Variants in MAGI2 observed in about 807,000 individuals in gnomAD.
MAGI2 encodes the protein membrane-associated guanylate kinase, WW and PDZ domain-containing protein 2.
MAGI2 carries 35 observed loss-of-function variants against 133.3 expected under a neutral mutation model. That is an observed-to-expected ratio of 0.26 (90% CI 0.20 to 0.35). The LOEUF (loss-of-function observed/expected upper bound fraction) is 0.35. Among genes scored for constraint, MAGI2 ranks in the 10% least tolerant of loss-of-function variants. The pLI, the probability that MAGI2 is intolerant of heterozygous loss-of-function variation, is 1.00. For missense variants in MAGI2, 1,636 were observed against 1,863.4 expected, an observed-to-expected ratio of 0.88 and a Z score of 2.25; for synonymous variants, 729 against 710.6, an observed-to-expected ratio of 1.03 and a Z score of -0.41.
chr7:79,415,181 A>T (rs910037948), intron 1 of MAGI2: 1 of 152,148 alleles, frequency 6.6e-6, no homozygotes, highest in Non-Finnish European at 1.5e-5. Flanking sequence ...TGAATTCATG[A>T]GATGTGAAAA....
chr7:79,446,093 A>T (rs1236398889), intron 1 of MAGI2, among the ~76,000 whole-genome samples: 2 of 152,108 alleles, frequency 1.3e-5, no homozygotes, highest in Non-Finnish European at 2.9e-5. Flanking sequence ...GCATGTTCTC[A>T]CTCATAGGTG....
chr7:78,246,099 AG>A (rs1044666463), intron 10 of MAGI2, among the ~76,000 whole-genome samples: 1 of 152,060 alleles, frequency 6.6e-6, no homozygotes, highest in African/African-American at 2.4e-5. Flanking sequence ...CTTGTCAATC[AG>A]GGCCCAAAAT....
chr7:79,240,615 T>C (rs1283749227), intron 1 of MAGI2, among the ~76,000 whole-genome samples: 1 of 152,192 alleles, frequency 6.6e-6, no homozygotes, highest in Non-Finnish European at 1.5e-5. Flanking sequence ...TTCTTTGATA[T>C]GAATCTGTTA....
chr7:78,202,295 C>A (rs906707668), intron 10 of MAGI2, among the ~76,000 whole-genome samples: 15 of 152,130 alleles, frequency 9.9e-5, no homozygotes, highest in African/African-American at 2.9e-4. Context: ...CACATAGTTA[C>A]CTACACACAT....
chr7:78,306,066 T>C (rs1212919312), intron 9 of MAGI2, among the ~76,000 whole-genome samples: 1 of 152,158 alleles, frequency 6.6e-6, no homozygotes, highest in East Asian at 1.9e-4. Context: ...TGCAAGTCGT[T>C]GTTGTGGTAA....
At chr7:79,357,071 C>G (rs376529927) in intron 1 of MAGI2, among the ~76,000 whole-genome samples, 37 of 152,310 alleles carry the variant, frequency 2.4e-4, no homozygotes, top group African/African-American at 8.9e-4. Flanking sequence ...TTATTTTACT[C>G]ATTTTGTAGA....
chr7:78,424,210 G>A (rs920729066), intron 6 of MAGI2, among the ~76,000 whole-genome samples: 3 of 152,178 alleles, frequency 2.0e-5, no homozygotes, highest in African/African-American at 7.2e-5. Context: ...TGACTAAAAG[G>A]GGCCAACGTA....
chr7:78,209,287 A>T (rs1279471583), intron 10 of MAGI2, among the ~76,000 whole-genome samples: 6 of 112,430 alleles, frequency 5.3e-5, no homozygotes, highest in African/African-American at 1.6e-4. Flanking sequence ...TTTGAGACGG[A>T]GTCTCGCTCT....
intron 1 of MAGI2, among the ~76,000 whole-genome samples, chr7:79,452,097 A>T (rs1362683216): frequency 6.6e-6 from 1 of 151,884 alleles, no homozygotes; most frequent in Admixed American, 6.6e-5. Flanking sequence ...GGAACCGGCC[A>T]GGGTTTCATC....
chr7:78,756,892 T>C (rs1039860133), intron 2 of MAGI2, among the ~76,000 whole-genome samples: 3 of 152,206 alleles, frequency 2.0e-5, no homozygotes, highest in African/African-American at 7.2e-5. Context: ...TGTCGTCTTA[T>C]CTTACCAACA....
chr7:79,208,391 C>T (rs954605146), intron 1 of MAGI2, among the ~76,000 whole-genome samples: 5 of 151,810 alleles, frequency 3.3e-5, no homozygotes, highest in Middle Eastern at 3.4e-3. Context: ...CATGAATGGA[C>T]GTCTCCTCAA....
At chr7:78,494,480 C>G (rs1259110255) in intron 5 of MAGI2, among the ~76,000 whole-genome samples, 1 of 152,066 alleles carries the variant, frequency 6.6e-6, no homozygotes, top group Non-Finnish European at 1.5e-5. Context: ...TTCTTCTGTT[C>G]CAGTTTTTCA....
chr7:79,162,736 T>A (rs1261977387), intron 1 of MAGI2, among the ~76,000 whole-genome samples: 1 of 152,144 alleles, frequency 6.6e-6, no homozygotes, highest in African/African-American at 2.4e-5. Flanking sequence ...TATTTTTATC[T>A]AGATACATAT....
At chr7:78,813,556 C>A (rs1035194275) in intron 2 of MAGI2, among the ~76,000 whole-genome samples, 11 of 152,028 alleles carry the variant, frequency 7.2e-5, no homozygotes, top group Admixed American at 6.5e-5. Flanking sequence ...GAGGCCGAGA[C>A]GGGCGGATCA....
chr7:79,154,809 G>A lies in MAGI2; in HGVS notation c.302-147603C>T, dbSNP rs1823602284. 3.9e-5 allele frequency among the ~76,000 whole-genome samples: 6 copies of A among 152,192 alleles called. No individual in the cohort carries two copies. In the South Asian group the frequency reaches 1.2e-3, roughly 32 times the overall value. On this transcript the variant is annotated intron_variant, in intron 1 of 21. Transcript: ENST00000354212. ...TTCTAACATGGTACCTGTCTGCCTGGAATGGTCTGCTGCTCTTTTACTCCT... is the reference window on the plus strand; with the variant it reads ...TTCTAACATGGTACCTGTCTGCCTGAAATGGTCTGCTGCTCTTTTACTCCT...
intron 9 of MAGI2, among the ~76,000 whole-genome samples, chr7:78,313,301 T>C (rs564461823): frequency 6.6e-6 from 1 of 152,152 alleles, no homozygotes; most frequent in South Asian, 2.1e-4. Flanking sequence ...CACTGCAATA[T>C]ATCTATGTAA....
chr7:78,635,257 C>T (rs1809504406), intron 2 of MAGI2, among the ~76,000 whole-genome samples: 1 of 152,130 alleles, frequency 6.6e-6, no homozygotes, highest in South Asian at 2.1e-4. Flanking sequence ...TTTTATTAAC[C>T]TACTGTTTAA....
At chr7:78,545,816 G>A (rs1798784999) in intron 3 of MAGI2, among the ~76,000 whole-genome samples, 1 of 152,124 alleles carries the variant, frequency 6.6e-6, no homozygotes, top group South Asian at 2.1e-4. Context: ...TTTAAAATTT[G>A]GATTATGATT....
chr7:79,231,679 T>C (rs1264706876), intron 1 of MAGI2, among the ~76,000 whole-genome samples: 1 of 132,224 alleles, frequency 7.6e-6, no homozygotes, highest in African/African-American at 2.7e-5. Flanking sequence ...CTTATCAGCT[T>C]AAGGAGATTT....
Sources: gnomAD v4.1 joint callset for allele counts (sites outside exome capture counted in the v4.1 genomes callset) on GRCh38, gnomAD v4.1.1 for gene constraint, MANE v1.5 for transcripts, NCBI Gene and HGNC (gene_info 2026-07-23, HGNC 2026-07-21) for gene names.